The following GRM4 variants were observed in gnomAD, a reference collection of about 807,000 sequenced individuals.
GRM4 encodes the protein metabotropic glutamate receptor 4.
Under a neutral mutation model 81.7 loss-of-function variants are expected in GRM4, and 28 were observed. That is an observed-to-expected ratio of 0.34 (90% CI 0.25 to 0.47). The LOEUF (loss-of-function observed/expected upper bound fraction) is 0.47, where lower values mean the gene tolerates loss of function less well. GRM4 is among the 20% of genes least tolerant of loss of function. The pLI is 1.00. For synonymous variants in GRM4, 488 were observed against 528.8 expected, an observed-to-expected ratio of 0.92 and a Z score of 1.06; for missense variants, 948 against 1,290.0, an observed-to-expected ratio of 0.73 and a Z score of 4.06.
intron 9 of GRM4, among the ~76,000 whole-genome samples, chr6:34,033,505 G>A (rs1273349586): frequency 6.6e-6 from 1 of 152,134 alleles, no homozygotes; most frequent in East Asian, 1.9e-4. Context: ...GTCCTCATCT[G>A]TAAGCAGGGG....
rs183320529 is a variant in GRM4, at chr6:34,129,891, G to C, written c.519+3087C>G. ...TCACCTGAGTGCCCCCACACCCAGG[G>C]CTCCCCTCTGAGCCAAGCACCGGAA... On this transcript the variant is annotated intron_variant, in intron 2 of 10. Transcript: ENST00000538487. Among the ~76,000 whole-genome samples the C allele has an allele frequency of 5.3e-3, 807 of 152,232 alleles. 9 individuals carry two copies. The highest frequency in any genetic ancestry group is 0.014 in the Middle Eastern group (4 of 294).
chr6:34,022,010 C>CGGGGCAGGCGGGCAAGACAGACGGCAGAT lies in GRM4; in HGVS notation c.*810_*811insATCTGCCGTCTGTCTTGCCCGCCTGCCCC, dbSNP rs1763895380. On this transcript the variant is annotated 3_prime_UTR_variant, in exon 11 of 11. Transcript: ENST00000538487. The surrounding 1 kb of genome is among the most constrained non-coding windows in gnomAD (Gnocchi z 5.6). Reference sequence around the variant, plus strand: ...GCAGGCGGGCAAGACAGACGGCAGACGGGCGGGGCAGGCGGGCAAGACACA... The same window carrying CGGGGCAGGCGGGCAAGACAGACGGCAGAT: ...GCAGGCGGGCAAGACAGACGGCAGACGGGGCAGGCGGGCAAGACAGACGGCAGATGGGCGGGGCAGGCGGGCAAGACACA... The CGGGGCAGGCGGGCAAGACAGACGGCAGAT allele has an allele frequency of 6.6e-6, 1 of 152,386 alleles. No individual in the cohort carries two copies. Among genetic ancestry groups the CGGGGCAGGCGGGCAAGACAGACGGCAGAT allele is most frequent in the African/African-American group, 2.4e-5 (1 of 40,946 alleles). 9.4% of individuals were successfully genotyped at this position (152,386 alleles called of 1,614,324 possible).
At chr6:34,097,711 G>A (rs1768609649) in intron 2 of GRM4, among the ~76,000 whole-genome samples, 1 of 152,224 alleles carries the variant, frequency 6.6e-6, no homozygotes, top group Admixed American at 6.5e-5. Flanking sequence ...CTGGAGGGCA[G>A]GGAATGTGTC....
chr6:34,060,949 C>A (rs924093611), intron 4 of GRM4: 1 of 152,342 alleles, frequency 6.6e-6, no homozygotes, highest in Non-Finnish European at 1.5e-5. Context: ...CTCCAGGGAC[C>A]CACCAATGGC....
intron 3 of GRM4, among the ~76,000 whole-genome samples, chr6:34,067,426 T>TCCC (rs1766530483): frequency 1.4e-5 from 1 of 73,618 alleles, no homozygotes. Context: ...CCCTCCGTCC[T>TCCC]TCCCTCCCTC....
upstream of GRM4, among the ~76,000 whole-genome samples, chr6:34,148,721 G>A (rs1561840277): frequency 6.6e-6 from 1 of 152,226 alleles, no homozygotes; most frequent in South Asian, 2.1e-4. Context: ...ACCATGTGAC[G>A]TGGGGGAGCC....
intron 2 of GRM4, among the ~76,000 whole-genome samples, chr6:34,107,049 T>C (rs1769160323): frequency 6.6e-6 from 1 of 152,232 alleles, no homozygotes; most frequent in Admixed American, 6.5e-5. Context: ...CCCCTCCCTC[T>C]GCCCAGCACG....
intron 2 of GRM4, among the ~76,000 whole-genome samples, chr6:34,112,135 T>C (rs186372546): frequency 2.0e-4 from 30 of 152,316 alleles, no homozygotes; most frequent in African/African-American, 7.2e-4. Context: ...AATTAACAAA[T>C]GAGAAACCAG....
At chr6:34,122,576 G>T (rs553393298) in intron 2 of GRM4, among the ~76,000 whole-genome samples, 1 of 147,182 alleles carries the variant, frequency 6.8e-6, no homozygotes, top group East Asian at 2.1e-4. Flanking sequence ...TAGAAAGTCG[G>T]GAGAAAAATG....
At chr6:34,045,493 C>A (rs1027980896) in intron 6 of GRM4, among the ~76,000 whole-genome samples, 16 of 152,208 alleles carry the variant, frequency 1.1e-4, no homozygotes, top group African/African-American at 3.9e-4. Context: ...GGAGCTAGCT[C>A]GGAAGTGGTG....
intron 8 of GRM4, among the ~76,000 whole-genome samples, chr6:34,038,583 G>A (rs1324346527): frequency 6.6e-6 from 1 of 152,182 alleles, no homozygotes; most frequent in Non-Finnish European, 1.5e-5. Flanking sequence ...GTGGTTACAG[G>A]TACCTTGCTT....
intron 3 of GRM4, chr6:34,091,623 C>T: frequency 1.8e-6 from 1 of 541,340 alleles, no homozygotes; most frequent in Non-Finnish European, 3.3e-6. Flanking sequence ...CAGGCTCCTG[C>T]ACCAGGGAGG....
Position 34,133,912 on chromosome 6 carries a change from T to G in GRM4, c.-363-53A>C. 1.2e-6 allele frequency: 1 copy of G among 816,236 alleles called. No individual in the cohort carries two copies. Among genetic ancestry groups the G allele is most frequent in the South Asian group, 5.7e-5 (1 of 17,640 alleles). 50.6% of individuals were successfully genotyped at this position (816,236 alleles called of 1,614,324 possible). ...ATCAAACAGAAGCCCAAAGAAGACATTAGCTAGTCTCATCTCTCATCAGGA... is the reference window on the plus strand; with the variant it reads ...ATCAAACAGAAGCCCAAAGAAGACAGTAGCTAGTCTCATCTCTCATCAGGA... On this transcript the variant is annotated intron_variant, in intron 1 of 10. Transcript: ENST00000538487. This position sits in a 1 kb window ranked among gnomAD's most constrained non-coding sequence, Gnocchi z 6.5.
At chr6:34,099,491 C>T (rs1237602070) in intron 2 of GRM4, among the ~76,000 whole-genome samples, 2 of 152,008 alleles carry the variant, frequency 1.3e-5, no homozygotes, top group East Asian at 3.9e-4. Flanking sequence ...TTATATGTGG[C>T]CACAGAGAGA....
chr6:34,086,966 GA>G (rs1352221992), intron 3 of GRM4, among the ~76,000 whole-genome samples: 1 of 152,064 alleles, frequency 6.6e-6, no homozygotes, highest in East Asian at 1.9e-4. Flanking sequence ...TACAAAAAAT[GA>G]AAACAAAATT....
At chr6:34,129,448 G>C (rs1770152143) in intron 2 of GRM4, among the ~76,000 whole-genome samples, 1 of 152,224 alleles carries the variant, frequency 6.6e-6, no homozygotes, top group Non-Finnish European at 1.5e-5. Flanking sequence ...GCCCACAACA[G>C]TGCATTGTAC....
Position 34,069,144 on chromosome 6 carries a change from A to AC in GRM4, c.737-7117dup, listed in dbSNP as rs1766647670. Among the ~76,000 whole-genome samples, 1 of 147,254 alleles carries AC rather than the reference A, an allele frequency of 6.8e-6. No individual in the cohort carries two copies. The highest frequency in any genetic ancestry group is 2.6e-5 in the African/African-American group (1 of 39,158). On this transcript the variant is annotated intron_variant, in intron 3 of 10. Coordinates refer to ENST00000538487, the MANE Select transcript of GRM4 (RefSeq NM_000841.4). This position sits in a 1 kb window ranked among gnomAD's most constrained non-coding sequence, Gnocchi z 6.4. The stretch of plus-strand genomic sequence containing the variant: ...GAGGGGAGGACAGGGGCTGGAAGCT[A>AC]CCCCTGGACCCTCATGGGCGTATAC...
chr6:34,043,441 C>T (rs1217378886), intron 6 of GRM4, among the ~76,000 whole-genome samples: 1 of 152,194 alleles, frequency 6.6e-6, no homozygotes, highest in Non-Finnish European at 1.5e-5. Context: ...GCCCTTCCCT[C>T]TCCAGCCTGA....
chr6:34,103,952 G>A (rs1437428754), intron 2 of GRM4: 1 of 881,334 alleles, frequency 1.1e-6, no homozygotes, highest in East Asian at 4.2e-5. Context: ...CTCACACACA[G>A]GAGGTGCGAC....
Sources: gnomAD v4.1 joint callset for allele counts (sites outside exome capture counted in the v4.1 genomes callset) on GRCh38, gnomAD v4.1.1 for gene constraint, Gnocchi (gnomAD v3.1) non-coding constraint, MANE v1.5 for transcripts, NCBI Gene and HGNC (gene_info 2026-07-23, HGNC 2026-07-21) for gene names.